Variants in DEAF1 observed in about 807,000 individuals in gnomAD.
The protein encoded by DEAF1 is DEAF1 transcription factor, also known as deformed epidermal autoregulatory factor 1 homolog.
A neutral mutation model predicts 58.9 loss-of-function variants in DEAF1; 53 were observed. That is an observed-to-expected ratio of 0.90 (90% CI 0.72 to 1.13). The LOEUF (loss-of-function observed/expected upper bound fraction) is 1.13. DEAF1 is among the 50% of genes most tolerant of loss of function. DEAF1 has a pLI of 0.00. For synonymous variants in DEAF1, 385 were observed against 340.4 expected, an observed-to-expected ratio of 1.13 and a Z score of -1.44; for missense variants, 685 against 791.4, an observed-to-expected ratio of 0.87 and a Z score of 1.61.
At chr11:704,183 A>G in intron 1 of DEAF1, 3 of 1,068,706 alleles carry the variant, frequency 2.8e-6, no homozygotes, top group Non-Finnish European at 3.6e-6. Context: ...CCTGCCCTGC[A>G]AGAGAGCACA....
intron 10 of DEAF1, chr11:666,333 T>C (rs1433340544): frequency 1.3e-5 from 2 of 151,952 alleles, no homozygotes; most frequent in African/African-American, 4.8e-5. Context: ...ATATAAACAG[T>C]ATATAAACTA....
intron 10 of DEAF1, among the ~76,000 whole-genome samples, chr11:660,247 T>A (rs1261460465): frequency 6.6e-6 from 1 of 152,220 alleles, no homozygotes; most frequent in Non-Finnish European, 1.5e-5. Context: ...AAAGGATTAG[T>A]CTAATAGCAT....
intron 9 of DEAF1, among the ~76,000 whole-genome samples, chr11:675,996 G>GCACCCCCTGGCACCCGA (rs1860043011): frequency 7.6e-5 from 1 of 13,122 alleles, no homozygotes; most frequent in African/African-American, 1.9e-4. Context: ...GGGGCACCTG[G>GCACCCCCTGGCACCCGA]CACCCCCCGG....
chr11:645,983 T>G (rs1272409137), intron 11 of DEAF1, among the ~76,000 whole-genome samples: 1 of 152,050 alleles, frequency 6.6e-6, no homozygotes, highest in Non-Finnish European at 1.5e-5. Flanking sequence ...CCGGGCGCAG[T>G]GGTTCACGGC....
chr11:690,731 G>A (rs976617454), intron 2 of DEAF1, among the ~76,000 whole-genome samples: 5 of 152,286 alleles, frequency 3.3e-5, no homozygotes, highest in African/African-American at 1.2e-4. Context: ...AGGTGACAGA[G>A]CAAGACCCCG....
chr11:652,318 CT>C (rs1409307535), intron 11 of DEAF1, among the ~76,000 whole-genome samples: 1 of 152,202 alleles, frequency 6.6e-6, no homozygotes, highest in Non-Finnish European at 1.5e-5. Flanking sequence ...ATATTTTCAA[CT>C]GCATAAAATA....
At chr11:678,627 GAATT>G in intron 9 of DEAF1, 63 bp downstream of exon 9, 1 of 1,608,368 alleles carries the variant, frequency 6.2e-7, no homozygotes, top group Non-Finnish European at 8.5e-7. Context: ...TTTCACTTAG[GAATT>G]CTTTCATTGG....
In DEAF1 at chr11:674,870, C is replaced by T. The variant is rs565526662; in HGVS notation, c.1256-87G>A. On this transcript the variant is annotated intron_variant, in intron 9 of 11. Coordinates refer to ENST00000382409, the MANE Select transcript of DEAF1 (RefSeq NM_021008.4). ...CCTCCGTTAAAAATTCTCAGCCGGG[C>T]GCGGTGGCTCACGCCTGTAATCCCA... 4.3e-5 allele frequency: 67 copies of T among 1,574,116 alleles called. 1 individual carries two copies. Among genetic ancestry groups the T allele is most frequent in the South Asian group, 2.0e-4 (18 of 88,886 alleles).
chr11:694,694 G>C (rs1167772998), intron 1 of DEAF1, 65 bp downstream of exon 1: 3 of 1,267,592 alleles, frequency 2.4e-6, no homozygotes, highest in African/African-American at 3.1e-5. Context: ...ACAGTTGTGC[G>C]GGGCAGGCGC....
chr11:658,293 T>G (rs1195221590), intron 10 of DEAF1, among the ~76,000 whole-genome samples: 1 of 152,050 alleles, frequency 6.6e-6, no homozygotes, highest in Non-Finnish European at 1.5e-5. Context: ...GCCAGGCGTG[T>G]TGGCGGGTGC....
chr11:694,904 C>T lies in DEAF1; in HGVS notation c.144G>A (p.Ser48=), dbSNP rs767230700. The change falls in exon 1 of 12, where the codon TCG becomes TCA. Residue 48 remains serine (S), a synonymous_variant. Transcript: ENST00000382409. The part of the protein sequence containing the change: ...EEPVLSRDED[S]EEDADSEAER... ...CCGCCTCCGAGTCTGCGTCCTCCTC[C>T]GAGTCCTCGTCCCTGCTCAGCACCG... 2.0e-6 allele frequency: 3 copies of T among 1,493,732 alleles called. No individual in the cohort carries two copies. The East Asian group carries it at 8.5e-5, about 42-fold the overall frequency. The allele number at this position is 1,493,732 out of a possible 1,614,324, so 92.5% of individuals were successfully genotyped here.
intron 10 of DEAF1, among the ~76,000 whole-genome samples, chr11:670,493 T>A (rs11246253): frequency 0.4 from 60,028 of 150,898 alleles, 13,109 homozygotes; most frequent in East Asian, 0.57. Context: ...GGCAAGTAGA[T>A]CACTTGAGGC....
chr11:685,526 G>A (rs994162720), intron 5 of DEAF1, among the ~76,000 whole-genome samples: 2 of 151,252 alleles, frequency 1.3e-5, no homozygotes, highest in African/African-American at 4.9e-5. Context: ...GAAACCTCGT[G>A]TCTGCTAAAA....
Position 674,543 on chromosome 11 carries a change from C to T in DEAF1, c.1496G>A (p.Arg499Gln), listed in dbSNP as rs1475326043. ...CATTTGTTCCAAGGTTACCTCCTTC[C>T]GCTCTGCGTCAGCGTGGATCTTGGC... ...NQAKIHADAE[R>Q]KEQSCVNCGR... Residue 499 changes from arginine to glutamine, a missense_variant, in exon 10 of 12, where the codon CGG (arginine) becomes CAG (glutamine). By Grantham distance (43) the Arg-to-Gln change is conservative. Transcript: ENST00000382409. 11 of 1,614,110 alleles carry T rather than the reference C, an allele frequency of 6.8e-6. No homozygotes were observed. Among genetic ancestry groups the T allele is most frequent in the African/African-American group, 4.0e-5 (3 of 75,020 alleles).
At chr11:705,476 G>T in intron 1 of DEAF1, 1 of 153,392 alleles carries the variant, frequency 6.5e-6, no homozygotes. Flanking sequence ...GCCTGACCAC[G>T]GGGCAGTGCA....
At chr11:703,962 C>T (rs1444419145) in intron 1 of DEAF1, 1 of 1,235,980 alleles carries the variant, frequency 8.1e-7, no homozygotes, top group Non-Finnish European at 1.0e-6. Flanking sequence ...TTCCCATTCC[C>T]AGATTTACTA....
chr11:650,336 T>TGCATTCCAGCCTGGGGGACA (rs2133277797), intron 11 of DEAF1, among the ~76,000 whole-genome samples: 1 of 125,032 alleles, frequency 8.0e-6, no homozygotes, highest in African/African-American at 3.2e-5. Flanking sequence ...ATGGAGCCAC[T>TGCATTCCAGCCTGGGGGACA]GCATTCCAGC....
upstream of DEAF1, chr11:695,290 G>C (rs993928524): frequency 8.6e-6 from 4 of 463,892 alleles, no homozygotes; most frequent in African/African-American, 8.2e-5. Flanking sequence ...CGAAGCCGCC[G>C]AGCCGAGACC....
At chr11:681,411 CTT>C (rs145689269) in intron 6 of DEAF1, among the ~76,000 whole-genome samples, 111,648 of 123,126 alleles carry the variant, frequency 0.91, 51,081 homozygotes, top group South Asian at 0.98. Context: ...TTCTTTCTTT[CTT>C]TTTTTTTTTT....
Sources: allele counts gnomAD v4.1 joint callset (sites outside exome capture counted in the v4.1 genomes callset), GRCh38; gene constraint gnomAD v4.1.1; transcripts MANE v1.5; gene names NCBI Gene and HGNC (gene_info 2026-07-23, HGNC 2026-07-21).